TEAD2: variants seen among roughly 807,000 people sequenced by gnomAD.
The protein encoded by TEAD2 is transcriptional enhancer factor TEF-4.
A neutral mutation model predicts 61.4 loss-of-function variants in TEAD2; 51 were observed. The observed-to-expected ratio is 0.83, with a 90% CI of 0.66 to 1.05. The LOEUF (loss-of-function observed/expected upper bound fraction) is 1.05, where lower values mean the gene tolerates loss of function less well. TEAD2 is among the 50% of genes least tolerant of loss of function. TEAD2 has a pLI of 0.00. For synonymous variants in TEAD2, 244 were observed against 243.2 expected (o/e 1.00, Z -0.03); for missense variants, 509 against 600.0 (o/e 0.85, Z 1.58).
chr19:49,345,015 C>T (rs548810313), intron 10 of TEAD2, among the ~76,000 whole-genome samples: 97 of 152,322 alleles, frequency 6.4e-4, no homozygotes, highest in African/African-American at 2.3e-3. Context: ...CCGACTCCAT[C>T]TCTCACCGTG....
intron 7 of TEAD2, among the ~76,000 whole-genome samples, chr19:49,351,726 C>T (rs953287887): frequency 1.2e-4 from 18 of 152,096 alleles, no homozygotes; most frequent in Non-Finnish European, 2.6e-4. Flanking sequence ...TGGCTCACAC[C>T]TGTAATCCCA....
rs996182739 is a variant in TEAD2, at chr19:49,359,205, T to C, written c.297+230A>G. On this transcript the variant is annotated intron_variant, in intron 3 of 12. Transcript: ENST00000593945. This position sits in a 1 kb window ranked among gnomAD's most constrained non-coding sequence, Gnocchi z 4.1. ...GTGAGCCAAGATCGCGCCACTGCAC[T>C]CCGGCCTGGGCAACAGAGCTAGACT... The C allele has an allele frequency of 4.1e-6, 2 of 493,644 alleles. No homozygotes were observed. Among genetic ancestry groups the C allele is most frequent in the Non-Finnish European group, 3.7e-6 (1 of 271,834 alleles). The allele number at this position is 493,644 out of a possible 1,614,324, so 30.6% of individuals were successfully genotyped here.
Position 49,355,305 on chromosome 19 carries a change from G to A in TEAD2, c.480+7C>T. On this transcript the variant is annotated splice_region_variant and intron_variant, in intron 6 of 12. Coordinates refer to ENST00000593945, the MANE Select transcript of TEAD2 (RefSeq NM_001256660.2). ...CCCCACGTCCCACAATCCCCAACCT[G>A]GACCACCTGAGGACCAGTGGGACCC... The A allele has an allele frequency of 1.2e-6, 2 of 1,614,094 alleles. No individual in the cohort carries two copies. The highest frequency in any genetic ancestry group is 1.7e-6 in the Non-Finnish European group (2 of 1,179,996).
intron 10 of TEAD2, among the ~76,000 whole-genome samples, 197 bp from the exon 11 acceptor site, chr19:49,343,595 C>CG (rs1600703446): frequency 6.6e-6 from 1 of 152,048 alleles, no homozygotes; most frequent in East Asian, 1.9e-4. Flanking sequence ...CAAAATTAGC[C>CG]GGGCGTGGTG....
intron 3 of TEAD2, chr19:49,357,650 C>T: frequency 2.6e-6 from 1 of 385,140 alleles, no homozygotes; most frequent in Non-Finnish European, 4.8e-6. Flanking sequence ...ACAGTTCGGA[C>T]ATTCGTCCCT....
chr19:49,361,203 G>GAGAA (rs1972884127), intron 1 of TEAD2, among the ~76,000 whole-genome samples: 2 of 142,680 alleles, frequency 1.4e-5, no homozygotes, highest in African/African-American at 5.3e-5. Context: ...GGCCCAGAGA[G>GAGAA]GGAGACAGAG....
At chr19:49,360,255 G>A (rs1972748511) in intron 1 of TEAD2, 174 bp from the exon 2 acceptor site, 4 of 615,390 alleles carry the variant, frequency 6.5e-6, no homozygotes, top group Non-Finnish European at 8.5e-6. Flanking sequence ...GAGGGAGGAG[G>A]ATCTGGGGCC....
intron 10 of TEAD2, among the ~76,000 whole-genome samples, chr19:49,343,736 CTT>C: frequency 6.7e-6 from 1 of 148,312 alleles, no homozygotes; most frequent in Non-Finnish European, 1.5e-5. Context: ...GAAACTCCAT[CTT>C]AAAAAAAAAA....
chr19:49,341,060 A>G lies in TEAD2; in HGVS notation c.*264T>C. The G allele has an allele frequency of 2.5e-6, 1 of 407,470 alleles. No individual in the cohort carries two copies. Among genetic ancestry groups the G allele is most frequent in the Non-Finnish European group, 4.6e-6 (1 of 219,730 alleles). 25.2% of individuals were successfully genotyped at this position (407,470 alleles called of 1,614,324 possible). On this transcript the variant is annotated 3_prime_UTR_variant, in exon 13 of 13. Transcript: ENST00000593945. This position sits in a 1 kb window ranked among gnomAD's most constrained non-coding sequence, Gnocchi z 4.2. The stretch of plus-strand genomic sequence containing the variant: ...CACTCCTGTCCCCACAATCCCTGAT[A>G]CTCCGGAGTGATCTGTCCTTTCAGA...
chr19:49,342,672 C>G, intron 11 of TEAD2, 82 bp from the exon 12 acceptor site: 1 of 1,537,054 alleles, frequency 6.5e-7, no homozygotes, highest in Non-Finnish European at 8.9e-7. Context: ...CACCCTGTGC[C>G]TCTAAGATGC....
chr19:49,344,084 C>T (rs745810832), intron 10 of TEAD2, among the ~76,000 whole-genome samples: 106 of 152,048 alleles, frequency 7.0e-4, no homozygotes, highest in Non-Finnish European at 1.2e-3. Flanking sequence ...TGGGCTCAAG[C>T]GATCCTCCCA....
Position 49,342,495 on chromosome 19 carries a change from C to G in TEAD2, c.1185G>C (p.Arg395=), listed in dbSNP as rs149001229. Residue 395 remains arginine (R), a synonymous_variant, in exon 12 of 13, where the codon CGG becomes CGC. Transcript: ENST00000593945. Reference sequence around the variant, plus strand: ...TCATCATGTATCGCTCAGGCAGCTGCCGCAACTTGTGCAAGAAATTCACCA... The same window carrying G: ...TCATCATGTATCGCTCAGGCAGCTGGCGCAACTTGTGCAAGAAATTCACCA... ...EYLVNFLHKL[R]QLPERYMMNS... 366 of 1,614,200 alleles carry G rather than the reference C, an allele frequency of 2.3e-4. No homozygotes were observed. The African/African-American group carries it at 3.8e-3, about 17-fold the overall frequency.
Position 49,358,639 on chromosome 19 carries a change from T to TC in TEAD2, c.297+795_297+796insG, listed in dbSNP as rs1233207631. Among the ~76,000 whole-genome samples the TC allele has an allele frequency of 7.3e-5, 11 of 150,066 alleles. No homozygotes were observed. The East Asian group carries it at 7.8e-4, about 11-fold the overall frequency. ...AAGCTCTTTTCTTTCTTTCTTTCTTTTTTTTTTTTTTTGAGGTGGAGTCTG... is the reference window on the plus strand; with the variant it reads ...AAGCTCTTTTCTTTCTTTCTTTCTTTCTTTTTTTTTTTTGAGGTGGAGTCTG... On this transcript the variant is annotated intron_variant, in intron 3 of 12. Coordinates refer to ENST00000593945, the MANE Select transcript of TEAD2 (RefSeq NM_001256660.2).
Position 49,342,497 on chromosome 19 carries a change from G to A in TEAD2, c.1183C>T (p.Arg395Trp), listed in dbSNP as rs1270538927. The A allele has an allele frequency of 8.1e-6, 13 of 1,614,056 alleles. No individual in the cohort carries two copies. The highest frequency in any genetic ancestry group is 4.5e-5 in the East Asian group (2 of 44,900). The change falls in exon 12 of 13, where the codon CGG (arginine) becomes TGG (tryptophan). Residue 395 changes from arginine to tryptophan, a missense_variant. By Grantham distance (101) the Arg-to-Trp change is moderately radical. Transcript: ENST00000593945. Reference protein sequence around the residue: ...EYLVNFLHKLRQLPERYMMNS... With the variant: ...EYLVNFLHKLWQLPERYMMNS... Reference sequence around the variant, plus strand: ...ATCATGTATCGCTCAGGCAGCTGCCGCAACTTGTGCAAGAAATTCACCAGG... The same window carrying A: ...ATCATGTATCGCTCAGGCAGCTGCCACAACTTGTGCAAGAAATTCACCAGG...
intron 5 of TEAD2, 26 bp downstream of exon 5, chr19:49,355,933 G>T (rs775935237): frequency 2.4e-6 from 3 of 1,265,056 alleles, no homozygotes; most frequent in Middle Eastern, 4.1e-4. Context: ...GTGAGCGTGG[G>T]TGGGAGGATG....
chr19:49,341,575 C>A lies in TEAD2; in HGVS notation c.1243-138G>T. ...AAACAGGCCGCCACCATATCATGTT[C>A]CCCAGGAGAAAGGGATGCCCAAAAG... On this transcript the variant is annotated intron_variant, in intron 12 of 12. Transcript: ENST00000593945. This position sits in a 1 kb window ranked among gnomAD's most constrained non-coding sequence, Gnocchi z 4.2. The A allele has an allele frequency of 1.4e-6, 1 of 697,912 alleles. No individual in the cohort carries two copies. Among genetic ancestry groups the A allele is most frequent in the South Asian group, 1.7e-5 (1 of 57,990 alleles). 43.2% of individuals were successfully genotyped at this position (697,912 alleles called of 1,614,324 possible).
chr19:49,341,308 G>A lies in TEAD2; in HGVS notation c.*16C>T. ...GGAGGGTGTTCTGGGGGGTGAGCCAGTTTTGGGGTCCCCCTTCAGTCCCTG... is the reference window on the plus strand; with the variant it reads ...GGAGGGTGTTCTGGGGGGTGAGCCAATTTTGGGGTCCCCCTTCAGTCCCTG... On this transcript the variant is annotated 3_prime_UTR_variant, in exon 13 of 13. Coordinates refer to ENST00000593945, the MANE Select transcript of TEAD2 (RefSeq NM_001256660.2). This position sits in a 1 kb window ranked among gnomAD's most constrained non-coding sequence, Gnocchi z 4.2. 1 of 1,611,144 alleles carries A rather than the reference G, an allele frequency of 6.2e-7. No individual in the cohort carries two copies. The highest frequency in any genetic ancestry group is 8.5e-7 in the Non-Finnish European group (1 of 1,177,546).
At chr19:49,358,003 C>A (rs560893263) in intron 3 of TEAD2, among the ~76,000 whole-genome samples, 16 of 152,010 alleles carry the variant, frequency 1.1e-4, no homozygotes, top group Non-Finnish European at 1.6e-4. Flanking sequence ...GAGGCCGAGG[C>A]GGGTGGATCA....
chr19:49,343,917 C>T (rs1971474133), intron 10 of TEAD2, among the ~76,000 whole-genome samples: 1 of 150,808 alleles, frequency 6.6e-6, no homozygotes, highest in Non-Finnish European at 1.5e-5. Flanking sequence ...ACAATCACAG[C>T]TCACTGCAGC....
Sources: allele counts gnomAD v4.1 joint callset (sites outside exome capture counted in the v4.1 genomes callset), GRCh38; gene constraint gnomAD v4.1.1; non-coding constraint Gnocchi (gnomAD v3.1); transcripts MANE v1.5; gene names NCBI Gene and HGNC (gene_info 2026-07-23, HGNC 2026-07-21).